Variants in ACBD5 observed in about 807,000 individuals in gnomAD.
ACBD5 encodes acyl-CoA binding domain containing 5.
ACBD5 carries 40 observed loss-of-function variants against 71.8 expected under a neutral mutation model. The observed-to-expected ratio is 0.56, with a 90% CI of 0.43 to 0.72. The LOEUF is 0.72. ACBD5 is among the 30% of genes least tolerant of loss of function. The probability of loss-of-function intolerance (pLI) is 0.00; values close to 1 mark genes in which losing one functional copy is unlikely to be tolerated. For missense variants in ACBD5, 559 were observed against 644.5 expected, an observed-to-expected ratio of 0.87 and a Z score of 1.44; for synonymous variants, 229 against 218.6, an observed-to-expected ratio of 1.05 and a Z score of -0.42.
chr10:27,193,203 G>A (rs58649395), downstream of ACBD5, among the ~76,000 whole-genome samples: 859 of 136,330 alleles, frequency 6.3e-3, 41 homozygotes, highest in East Asian at 0.12. Flanking sequence ...GGAGTGCAGC[G>A]GCAAGTTAAT....
Position 27,219,704 on chromosome 10 carries a change from CTG to C in ACBD5, c.625+17_625+18del. 4 of 1,613,312 alleles carry C rather than the reference CTG, an allele frequency of 2.5e-6. No homozygotes were observed. The highest frequency in any genetic ancestry group is 3.4e-6 in the Non-Finnish European group (4 of 1,179,528). On this transcript the variant is annotated intron_variant, in intron 6 of 12. Transcript: ENST00000396271. Reference sequence around the variant, plus strand: ...AGTTTATTTATTGCAAAATTACTAACTGATTTTCCAAACATTACCATTATCAC... The same window carrying C: ...AGTTTATTTATTGCAAAATTACTAACATTTTCCAAACATTACCATTATCAC...
At chr10:27,183,278 G>A (rs2058432788) in intron 13 of ACBD5, among the ~76,000 whole-genome samples, 1 of 151,214 alleles carries the variant, frequency 6.6e-6, no homozygotes, top group African/African-American at 2.4e-5. Context: ...TTTTGTTGTT[G>A]TTGTTGTTGT....
At chr10:27,207,980 C>T (rs912545344) in intron 10 of ACBD5, among the ~76,000 whole-genome samples, 3 of 152,188 alleles carry the variant, frequency 2.0e-5, no homozygotes, top group African/African-American at 7.2e-5. Flanking sequence ...GGTGATCCAC[C>T]CACCTCGGCC....
chr10:27,234,308 T>C (rs1485664555), intron 3 of ACBD5, among the ~76,000 whole-genome samples: 1 of 152,146 alleles, frequency 6.6e-6, no homozygotes, highest in Non-Finnish European at 1.5e-5. Context: ...TCTATTCAAT[T>C]ACAGTAGGTC....
At chr10:27,188,893 C>T (rs1469689586) in intron 13 of ACBD5, among the ~76,000 whole-genome samples, 1 of 152,182 alleles carries the variant, frequency 6.6e-6, no homozygotes, top group African/African-American at 2.4e-5. Context: ...GAAATCCACT[C>T]ATCTTTTGCT....
intron 13 of ACBD5, among the ~76,000 whole-genome samples, chr10:27,183,379 G>A (rs2058440121): frequency 6.6e-6 from 1 of 152,212 alleles, no homozygotes; most frequent in East Asian, 1.9e-4. Flanking sequence ...CGCCTCCCAG[G>A]TTCAAGTGAT....
At chr10:27,237,983 T>C (rs1460048908) in intron 2 of ACBD5, among the ~76,000 whole-genome samples, 1 of 151,658 alleles carries the variant, frequency 6.6e-6, no homozygotes, top group Non-Finnish European at 1.5e-5. Context: ...AGACGGAGTC[T>C]GGCTCTGTCA....
At chr10:27,186,349 C>A in intron 13 of ACBD5, 1 of 1,599,998 alleles carries the variant, frequency 6.3e-7, no homozygotes, top group South Asian at 1.1e-5. Flanking sequence ...GTAATGATAT[C>A]ATACTGTTTT....
In ACBD5 at chr10:27,195,512, T is replaced by A; in HGVS notation, c.*1918A>T. On this transcript the variant is annotated 3_prime_UTR_variant, in exon 13 of 13. Coordinates refer to ENST00000396271, the MANE Select transcript of ACBD5 (RefSeq NM_145698.5). ...ACACTCTTAATTTGCATTTTATTTA[T>A]TTATATACTAAGAGAAAAGACACTT... The A allele has an allele frequency of 2.2e-6, 1 of 453,450 alleles. No homozygotes were observed. Among genetic ancestry groups the A allele is most frequent in the Non-Finnish European group, 4.4e-6 (1 of 226,594 alleles). The allele number at this position is 453,450 out of a possible 1,614,324, so 28.1% of individuals were successfully genotyped here.
At chr10:27,200,300 T>C (rs1384836292) in intron 12 of ACBD5, among the ~76,000 whole-genome samples, 2 of 152,102 alleles carry the variant, frequency 1.3e-5, no homozygotes, top group Admixed American at 6.5e-5. Flanking sequence ...ACCAGCGCCA[T>C]GACAGTTTAC....
chr10:27,230,454 T>A (rs1005997881), intron 4 of ACBD5, among the ~76,000 whole-genome samples: 2 of 152,184 alleles, frequency 1.3e-5, no homozygotes, highest in African/African-American at 4.8e-5. Context: ...ATTATCAAAC[T>A]TAGATTTCAC....
chr10:27,210,476 G>A (rs1414737763), intron 9 of ACBD5, among the ~76,000 whole-genome samples: 1 of 152,174 alleles, frequency 6.6e-6, no homozygotes, highest in Non-Finnish European at 1.5e-5. Flanking sequence ...AAATTAGTCA[G>A]GCGGCCGGGC....
chr10:27,231,968 A>T (rs2063925858), intron 3 of ACBD5, 148 bp from the exon 4 acceptor site: 1 of 743,660 alleles, frequency 1.3e-6, no homozygotes, highest in South Asian at 1.5e-5. Context: ...GCTACCATGA[A>T]GAAAATTATC....
chr10:27,203,710 G>T (rs1032021338), intron 12 of ACBD5, among the ~76,000 whole-genome samples: 5 of 152,076 alleles, frequency 3.3e-5, no homozygotes, highest in Non-Finnish European at 7.4e-5. Flanking sequence ...CTGCACCCCA[G>T]CCTGGGCAAC....
rs138663538 is a variant in ACBD5, at chr10:27,231,381, G to C, written c.375+367C>G. Among the ~76,000 whole-genome samples the C allele has an allele frequency of 5.0e-3, 766 of 152,314 alleles. 9 individuals are homozygous for C. Among genetic ancestry groups the C allele is most frequent in the Middle Eastern group, 0.02 (6 of 294 alleles). On this transcript the variant is annotated intron_variant, in intron 4 of 12. Transcript: ENST00000396271. ...AAAATACAAAAATTAGCTGGGTGTAGTGGTGTGCACCTGTAGTCCCAGCTA... is the reference window on the plus strand; with the variant it reads ...AAAATACAAAAATTAGCTGGGTGTACTGGTGTGCACCTGTAGTCCCAGCTA...
chr10:27,238,266 C>G (rs2065022471), intron 2 of ACBD5, among the ~76,000 whole-genome samples: 1 of 152,182 alleles, frequency 6.6e-6, no homozygotes, highest in Non-Finnish European at 1.5e-5. Flanking sequence ...CGTGAGCCAC[C>G]GCACCCGGCC....
chr10:27,206,712 C>T (rs142065564), intron 10 of ACBD5, among the ~76,000 whole-genome samples: 14,602 of 151,782 alleles, frequency 0.096, 2,273 homozygotes, highest in African/African-American at 0.33. Context: ...GATGGGGTTT[C>T]ACCATGCTGG....
intron 5 of ACBD5, among the ~76,000 whole-genome samples, chr10:27,221,153 C>T (rs1209377725): frequency 1.3e-5 from 2 of 152,052 alleles, no homozygotes; most frequent in Non-Finnish European, 2.9e-5. Flanking sequence ...GATCCAGATA[C>T]ATTTTGAAAT....
At chr10:27,183,200 C>T (rs757893311) in intron 13 of ACBD5, among the ~76,000 whole-genome samples, 15 of 152,102 alleles carry the variant, frequency 9.9e-5, no homozygotes, top group Non-Finnish European at 1.9e-4. Flanking sequence ...GTAGTTTTCT[C>T]AATGCAGGAG....
Sources: allele counts gnomAD v4.1 joint callset (sites outside exome capture counted in the v4.1 genomes callset), GRCh38; gene constraint gnomAD v4.1.1; transcripts MANE v1.5; gene names NCBI Gene and HGNC (gene_info 2026-07-23, HGNC 2026-07-21).